The following DCUN1D2 variants were observed in gnomAD, a reference collection of about 807,000 sequenced individuals.
DCUN1D2 encodes DCN1-like protein 2.
Under a neutral mutation model 30.9 loss-of-function variants are expected in DCUN1D2, and 29 were observed. That is an observed-to-expected ratio of 0.94 (90% CI 0.70 to 1.28). DCUN1D2 has a LOEUF of 1.28. DCUN1D2 is among the 50% of genes most tolerant of loss of function. The pLI is 0.00. For missense variants in DCUN1D2, 325 were observed against 316.9 expected (o/e 1.03, Z -0.19); for synonymous variants, 121 against 115.3 (o/e 1.05, Z -0.32).
chr13:113,483,708 G>C lies in DCUN1D2; in HGVS notation c.220+132C>G, dbSNP rs543952307. ...CAAGTGGATTCTGCAGCTGAGCGCC[G>C]AGCGCTGAGCGTGGGGAGGAGAAGC... On this transcript the variant is annotated intron_variant, in intron 2 of 6. Transcript: ENST00000478244. 7.2e-5 allele frequency: 57 copies of C among 787,374 alleles called. No homozygotes were observed. In the East Asian group the frequency reaches 1.2e-3, roughly 16 times the overall value. 48.8% of individuals were successfully genotyped at this position (787,374 alleles called of 1,614,324 possible).
intron 4 of DCUN1D2, among the ~76,000 whole-genome samples, chr13:113,465,617 G>A (rs1027620717): frequency 4.0e-5 from 6 of 151,030 alleles, no homozygotes; most frequent in African/African-American, 7.3e-5. Flanking sequence ...CAAGAACACC[G>A]AAGGAGCTCA....
intron 1 of DCUN1D2, chr13:113,489,172 C>A (rs2044865861): frequency 1.0e-6 from 1 of 985,018 alleles, no homozygotes; most frequent in Non-Finnish European, 1.2e-6. Context: ...GTATACAGCA[C>A]GCTAGAGGGA....
In DCUN1D2 at chr13:113,474,396, TAA is replaced by T. The variant is rs1335384056; in HGVS notation, c.390-144_390-143del. On this transcript the variant is annotated intron_variant, in intron 3 of 6. Transcript: ENST00000478244. ...CCAACTTCCTTTCCCAGGCGCGGCC[TAA>T]GGCTCTAAGTGATGATGTAAGAGAA... The T allele has an allele frequency of 1.1e-5, 12 of 1,096,744 alleles. No individual in the cohort carries two copies. The African/African-American group carries it at 1.7e-4, about 16-fold the overall frequency. The allele number at this position is 1,096,744 out of a possible 1,614,324, so 67.9% of individuals were successfully genotyped here.
At chr13:113,461,032 C>A (rs377658774) in intron 5 of DCUN1D2, 22 bp downstream of exon 5, 9 of 1,526,234 alleles carry the variant, frequency 5.9e-6, no homozygotes, top group Non-Finnish European at 7.2e-6. Context: ...GGGCACACAG[C>A]GAGATGCAGG....
chr13:113,485,914 C>G (rs1256882597), intron 1 of DCUN1D2, among the ~76,000 whole-genome samples: 2 of 152,172 alleles, frequency 1.3e-5, no homozygotes, highest in African/African-American at 4.8e-5. Context: ...TGTGATATCA[C>G]AGGAATGAAC....
intron 4 of DCUN1D2, chr13:113,462,718 G>C (rs1410504373): frequency 1.0e-6 from 1 of 991,604 alleles, no homozygotes; most frequent in East Asian, 1.1e-4. Context: ...ACTGAGATAT[G>C]GAACAGCTCT....
Position 113,457,970 on chromosome 13 carries a change from T to G in DCUN1D2, c.*59A>C. The G allele has an allele frequency of 6.7e-7, 1 of 1,492,672 alleles. No individual in the cohort carries two copies. The highest frequency in any genetic ancestry group is 9.3e-7 in the Non-Finnish European group (1 of 1,070,060). 92.5% of individuals were successfully genotyped at this position (1,492,672 alleles called of 1,614,324 possible). A position where few individuals can be genotyped will look rare whatever the true frequency, so the allele number is the denominator to read the frequency against. ...AGCGACAATGCACCCAGGAACTGAC[T>G]GCAATCTCCTTGCAGGATACAAATC... is the stretch of plus-strand genomic sequence containing the variant. On this transcript the variant is annotated 3_prime_UTR_variant, in exon 7 of 7. Transcript: ENST00000478244.
At chr13:113,473,369 G>T (rs1275800898) in intron 4 of DCUN1D2, among the ~76,000 whole-genome samples, 2 of 152,162 alleles carry the variant, frequency 1.3e-5, no homozygotes, top group East Asian at 3.8e-4. Context: ...AGGAGTGACA[G>T]TTAAAGCGAA....
chr13:113,458,666 G>C (rs1161534207), intron 6 of DCUN1D2, among the ~76,000 whole-genome samples: 6 of 152,246 alleles, frequency 3.9e-5, no homozygotes, highest in Non-Finnish European at 1.5e-5. Flanking sequence ...ACGGTGCAAA[G>C]TGTGGAGGAC....
upstream of DCUN1D2, chr13:113,490,892 G>T (rs1307979131): frequency 1.1e-5 from 3 of 262,230 alleles, no homozygotes; most frequent in Non-Finnish European, 2.0e-5. This position sits in a 1 kb window ranked among gnomAD's most constrained non-coding sequence, Gnocchi z 5.2. Flanking sequence ...GCCTTGGCTC[G>T]CCCCTGCGGG....
rs1452064801 is a variant in DCUN1D2 at position 113,470,782 on chromosome 13, A to G, written c.520+3342T>C. On this transcript the variant is annotated intron_variant, in intron 4 of 6. Transcript: ENST00000478244. ...ACTCCACAGAAGACACAACTCCACA[A>G]GGGACCCAACTCCACAGAAGACACA... Among the ~76,000 whole-genome samples, 82 of 96,268 alleles carry G rather than the reference A, an allele frequency of 8.5e-4. No homozygotes were observed. In the Middle Eastern group the frequency reaches 0.025, roughly 29 times the overall value. 63.2% of individuals were successfully genotyped at this position (96,268 alleles called of 152,430 possible). A position where few individuals can be genotyped will look rare whatever the true frequency, so the allele number is the denominator to read the frequency against.
intron 4 of DCUN1D2, chr13:113,462,864 G>A (rs776785664): frequency 6.3e-6 from 8 of 1,264,620 alleles, no homozygotes; most frequent in Non-Finnish European, 8.2e-6. Context: ...ATGATGTAAA[G>A]CTTTCACATT....
intron 1 of DCUN1D2, among the ~76,000 whole-genome samples, chr13:113,484,413 G>C (rs1271216678): frequency 6.6e-6 from 1 of 152,154 alleles, no homozygotes; most frequent in Non-Finnish European, 1.5e-5. Flanking sequence ...GCACCAGCGG[G>C]GGTCACAGCT....
chr13:113,465,004 A>G (rs1392907873), intron 4 of DCUN1D2, among the ~76,000 whole-genome samples: 1 of 152,252 alleles, frequency 6.6e-6, no homozygotes, highest in Non-Finnish European at 1.5e-5. Context: ...TAAGATAAAA[A>G]TTCTTAAAGA....
At chr13:113,490,732 G>T, upstream of DCUN1D2, 1 of 1,174,348 alleles carries the variant, frequency 8.5e-7, no homozygotes, top group Non-Finnish European at 1.1e-6. This position sits in a 1 kb window ranked among gnomAD's most constrained non-coding sequence, Gnocchi z 5.2. Context: ...CGGCGGCTCC[G>T]CCCTCGTCCT....
Position 113,484,059 on chromosome 13 carries a change from T to C in DCUN1D2, c.4-3A>G. The stretch of plus-strand genomic sequence containing the variant: ...TTCTGAGACGATTTAAGCTTATGCT[T>C]TGGGATGCAAAAGAAGTAGGAAAGC... On this transcript the variant is annotated splice_polypyrimidine_tract_variant and splice_region_variant and intron_variant, in intron 1 of 6. Coordinates refer to ENST00000478244, the MANE Select transcript of DCUN1D2 (RefSeq NM_001014283.2). 1 of 1,613,280 alleles carries C rather than the reference T, an allele frequency of 6.2e-7. No individual in the cohort carries two copies. The highest frequency in any genetic ancestry group is 8.5e-7 in the Non-Finnish European group (1 of 1,179,914).
rs2044311974 is a variant in DCUN1D2 at position 113,461,141 on chromosome 13, T to C, written c.521-5A>G. On this transcript the variant is annotated splice_polypyrimidine_tract_variant and splice_region_variant and intron_variant, in intron 4 of 6. Transcript: ENST00000478244. ...ACGCAACAGCCATTTCTAAGTCTGG[T>C]AAAAAGAAAGAAAGAGCAGTTAGTA... 6.3e-7 allele frequency: 1 copy of C among 1,595,646 alleles called. No individual in the cohort carries two copies. Among genetic ancestry groups the C allele is most frequent in the Non-Finnish European group, 8.6e-7 (1 of 1,166,124 alleles).
intron 4 of DCUN1D2, among the ~76,000 whole-genome samples, chr13:113,471,724 C>G (rs2044518976): frequency 6.6e-6 from 1 of 152,202 alleles, no homozygotes; most frequent in African/African-American, 2.4e-5. Flanking sequence ...CAATAACGAT[C>G]TACGCCAGAA....
At chr13:113,484,162 T>G in intron 1 of DCUN1D2, 106 bp from the exon 2 acceptor site, 1 of 1,529,128 alleles carries the variant, frequency 6.5e-7, no homozygotes, top group East Asian at 2.3e-5. Context: ...AGACAAAGCC[T>G]TGCTCTTCAT....
Sources: gnomAD v4.1 joint callset for allele counts (sites outside exome capture counted in the v4.1 genomes callset) on GRCh38, gnomAD v4.1.1 for gene constraint, Gnocchi (gnomAD v3.1) non-coding constraint, MANE v1.5 for transcripts, NCBI Gene and HGNC (gene_info 2026-07-23, HGNC 2026-07-21) for gene names.